Variants in SFMBT2 observed in about 807,000 individuals in gnomAD.
SFMBT2 encodes scm-like with four MBT domains protein 2.
In SFMBT2, 38 loss-of-function variants were observed where a neutral mutation model predicts 110.1. That is an observed-to-expected ratio of 0.35 (90% confidence interval 0.27 to 0.45). SFMBT2 has a LOEUF of 0.45. SFMBT2 is among the 20% of genes least tolerant of loss of function. The pLI is 1.00. For missense variants in SFMBT2, 1,011 were observed against 1,094.9 expected (o/e 0.92, Z 1.08); for synonymous variants, 425 against 425.4 (o/e 1.00, Z 0.01).
intron 7 of SFMBT2, among the ~76,000 whole-genome samples, chr10:7,269,639 C>A (rs1199035800): frequency 2.0e-5 from 3 of 151,096 alleles, no homozygotes; most frequent in African/African-American, 7.3e-5. Context: ...ATGAAAGAAA[C>A]TAGAAAAAAG....
At chr10:7,174,571 G>C (rs1344897898) in intron 17 of SFMBT2, among the ~76,000 whole-genome samples, 1 of 152,222 alleles carries the variant, frequency 6.6e-6, no homozygotes, top group Non-Finnish European at 1.5e-5. Flanking sequence ...TATTATATGA[G>C]ATCCGGAGAC....
intron 1 of SFMBT2, among the ~76,000 whole-genome samples, chr10:7,405,772 C>G (rs935874864): frequency 6.6e-6 from 1 of 151,886 alleles, no homozygotes; most frequent in Non-Finnish European, 1.5e-5. Flanking sequence ...TCACTTGTCC[C>G]AGATCCCACA....
intron 4 of SFMBT2, among the ~76,000 whole-genome samples, chr10:7,336,778 T>G (rs12769548): frequency 0.011 from 1,654 of 152,112 alleles, 12 homozygotes; most frequent in Middle Eastern, 0.024. Context: ...ATGAGAAGGT[T>G]AACAGGGAAA....
intron 7 of SFMBT2, among the ~76,000 whole-genome samples, chr10:7,263,489 G>A (rs910927792): frequency 2.0e-5 from 3 of 152,126 alleles, no homozygotes; most frequent in African/African-American, 4.8e-5. Flanking sequence ...TGATCCACCC[G>A]CCTTGGTTTC....
intron 16 of SFMBT2, among the ~76,000 whole-genome samples, chr10:7,181,323 G>A (rs1207265033): frequency 2.6e-5 from 4 of 151,414 alleles, no homozygotes; most frequent in African/African-American, 7.3e-5. Flanking sequence ...ATTTTTGAGT[G>A]TCAACATAAT....
chr10:7,362,783 C>CTG (rs1266095069), intron 4 of SFMBT2, among the ~76,000 whole-genome samples: 1 of 152,214 alleles, frequency 6.6e-6, no homozygotes, highest in Non-Finnish European at 1.5e-5. Context: ...AGGCATACAC[C>CTG]GTAACTTGCT....
intron 1 of SFMBT2, among the ~76,000 whole-genome samples, chr10:7,403,590 C>T (rs1383956701): frequency 1.3e-5 from 2 of 152,078 alleles, no homozygotes; most frequent in Non-Finnish European, 2.9e-5. Context: ...CGCAATGAGC[C>T]GAGATCGCAG....
At chr10:7,220,990 C>G (rs1839714395) in intron 10 of SFMBT2, among the ~76,000 whole-genome samples, 1 of 151,876 alleles carries the variant, frequency 6.6e-6, no homozygotes. Flanking sequence ...TCATGCCTGG[C>G]TAATTTTTTG....
chr10:7,367,327 C>T lies in SFMBT2; in HGVS notation c.436+322G>A, dbSNP rs928925303. On this transcript the variant is annotated intron_variant, in intron 4 of 20. Transcript: ENST00000397167. This position sits in a 1 kb window ranked among gnomAD's most constrained non-coding sequence, Gnocchi z 6.2. ...TACCCTCCAATTCCTGATGTCCTTT[C>T]AGCCTTCCTTTCTTACCCTCCAATT... Among the ~76,000 whole-genome samples the T allele has an allele frequency of 1.3e-5, 2 of 151,206 alleles. No homozygotes were observed. Among genetic ancestry groups the T allele is most frequent in the African/African-American group, 2.4e-5 (1 of 41,000 alleles).
chr10:7,340,292 T>TGAGGAGGAG (rs768002184), intron 4 of SFMBT2, among the ~76,000 whole-genome samples: 1 of 151,134 alleles, frequency 6.6e-6, no homozygotes, highest in Non-Finnish European at 1.5e-5. Flanking sequence ...GCTGAGTAGG[T>TGAGGAGGAG]GAGGAGGAGG....
rs553255332 is a variant in SFMBT2 at position 7,342,230 on chromosome 10, C to A, written c.436+25419G>T. ...TTATGACAAGCAAACAGGGATATTA[C>A]GTGAGTTTAGAGCACATTTATTGAC... On this transcript the variant is annotated intron_variant, in intron 4 of 20. Transcript: ENST00000397167. Among the ~76,000 whole-genome samples, 8 of 152,018 alleles carry A rather than the reference C, an allele frequency of 5.3e-5. 1 individual carries two copies. The Middle Eastern group carries it at 0.017, about 323-fold the overall frequency.
intron 9 of SFMBT2, among the ~76,000 whole-genome samples, chr10:7,230,218 G>A (rs760156808): frequency 1.3e-5 from 2 of 151,940 alleles, no homozygotes; most frequent in African/African-American, 4.8e-5. Flanking sequence ...GAGGTTCTTC[G>A]AGTTCTTCCA....
chr10:7,375,751 CCACACACACACACACACACACACACA>C (rs35306837), intron 2 of SFMBT2, among the ~76,000 whole-genome samples: 1 of 124,676 alleles, frequency 8.0e-6, no homozygotes, highest in Non-Finnish European at 1.7e-5. Flanking sequence ...AAAGAAAAAA[CCACACACACACACACACACACACACA>C]CACACACACA....
chr10:7,265,951 C>A (rs965719775), intron 7 of SFMBT2, among the ~76,000 whole-genome samples: 15 of 152,126 alleles, frequency 9.9e-5, no homozygotes, highest in Non-Finnish European at 2.2e-4. Flanking sequence ...ATGCAAAAAA[C>A]TATTTAAATT....
At chr10:7,376,464 C>A (rs904258892) in intron 2 of SFMBT2, among the ~76,000 whole-genome samples, 1 of 151,918 alleles carries the variant, frequency 6.6e-6, no homozygotes, top group African/African-American at 2.4e-5. Context: ...CTTTGGGAGG[C>A]TGAGGTGGGC....
chr10:7,181,837 G>A (rs993298123), intron 16 of SFMBT2, among the ~76,000 whole-genome samples: 10 of 152,082 alleles, frequency 6.6e-5, no homozygotes, highest in African/African-American at 2.4e-4. Context: ...AAAAAAAAAG[G>A]AGAGGCAAAA....
intron 9 of SFMBT2, among the ~76,000 whole-genome samples, chr10:7,228,909 T>C (rs144582232): frequency 2.2e-3 from 329 of 152,124 alleles, no homozygotes; most frequent in African/African-American, 7.7e-3. Flanking sequence ...GACTGAATTA[T>C]ACCTAAGAAA....
intron 2 of SFMBT2, among the ~76,000 whole-genome samples, chr10:7,379,071 G>A (rs1845352058): frequency 6.6e-6 from 1 of 152,116 alleles, no homozygotes; most frequent in Non-Finnish European, 1.5e-5. Context: ...GTGGGCTGTT[G>A]AAGGATTAGG....
chr10:7,373,812 C>T (rs2388050), intron 2 of SFMBT2, among the ~76,000 whole-genome samples: 138,759 of 152,194 alleles, frequency 0.91, 63,436 homozygotes, highest in East Asian at 1. Context: ...CCAGAACCTG[C>T]GTGTGAGGAA....
Sources: allele counts gnomAD v4.1 joint callset (sites outside exome capture counted in the v4.1 genomes callset), GRCh38; gene constraint gnomAD v4.1.1; non-coding constraint Gnocchi (gnomAD v3.1); transcripts MANE v1.5; gene names NCBI Gene and HGNC (gene_info 2026-07-23, HGNC 2026-07-21).